The following SLC8A1 variants were observed in gnomAD, a reference collection of about 807,000 sequenced individuals.
SLC8A1 encodes the protein sodium/calcium exchanger 1.
In SLC8A1, 18 loss-of-function variants were observed where a neutral mutation model predicts 68.3. That is an observed-to-expected ratio of 0.26 (90% CI 0.18 to 0.39). The LOEUF is 0.39. Ranked by LOEUF, SLC8A1 falls within the 10% of genes least tolerant of loss-of-function variation. The probability of loss-of-function intolerance (pLI) is 1.00; values close to 1 mark genes in which losing one functional copy is unlikely to be tolerated. For synonymous variants in SLC8A1, 475 were observed against 415.5 expected (o/e 1.14, Z -1.74); for missense variants, 985 against 1,156.7 (o/e 0.85, Z 2.15).
chr2:40,308,023 GAAATA>G (rs748900674), intron 2 of SLC8A1, among the ~76,000 whole-genome samples: 17 of 152,074 alleles, frequency 1.1e-4, no homozygotes, highest in Non-Finnish European at 1.9e-4. Context: ...GAAATGGAAT[GAAATA>G]AAATAATATA....
At chr2:40,438,649 T>A (rs1278426866) in intron 1 of SLC8A1, among the ~76,000 whole-genome samples, 2 of 152,168 alleles carry the variant, frequency 1.3e-5, no homozygotes, top group Non-Finnish European at 2.9e-5. Context: ...CTAGAGAATG[T>A]GACAGCACAT....
At chr2:40,240,598 C>CT (rs557911394) in intron 2 of SLC8A1, among the ~76,000 whole-genome samples, 2 of 152,186 alleles carry the variant, frequency 1.3e-5, no homozygotes, top group Non-Finnish European at 2.9e-5. Context: ...TTTATGAACA[C>CT]TTTTTTGTAT....
chr2:40,385,258 C>T (rs1371572249), intron 2 of SLC8A1, among the ~76,000 whole-genome samples: 1 of 151,982 alleles, frequency 6.6e-6, no homozygotes, highest in Non-Finnish European at 1.5e-5. Flanking sequence ...CTCCTTTTTT[C>T]TAATCAAGTT....
intron 2 of SLC8A1, among the ~76,000 whole-genome samples, chr2:40,410,006 A>G (rs1040020923): frequency 1.3e-5 from 2 of 152,012 alleles, no homozygotes; most frequent in Admixed American, 1.3e-4. Flanking sequence ...GTGAGAAGGG[A>G]AAAAAAGGGG....
At chr2:40,477,284 G>A (rs918544346) in intron 1 of SLC8A1, among the ~76,000 whole-genome samples, 1 of 152,156 alleles carries the variant, frequency 6.6e-6, no homozygotes, top group Non-Finnish European at 1.5e-5. Context: ...AAAACCTTGT[G>A]TTGTAGTCAT....
chr2:40,175,836 C>A (rs939096908), intron 3 of SLC8A1: 1 of 262,502 alleles, frequency 3.8e-6, no homozygotes, highest in African/African-American at 2.3e-5. Context: ...CAAGGTAAAG[C>A]ACTATCTTGG....
chr2:40,434,267 T>C (rs368733330), intron 1 of SLC8A1, among the ~76,000 whole-genome samples: 2 of 152,332 alleles, frequency 1.3e-5, no homozygotes, highest in African/African-American at 4.8e-5. Context: ...TATTATAATT[T>C]GTGAACAGTG....
At chr2:40,485,510 G>T (rs188160893) in intron 1 of SLC8A1, among the ~76,000 whole-genome samples, 1 of 152,092 alleles carries the variant, frequency 6.6e-6, no homozygotes, top group African/African-American at 2.4e-5. Context: ...ACTTTTAAAC[G>T]TCTGGGGATG....
intron 1 of SLC8A1, among the ~76,000 whole-genome samples, chr2:40,430,758 G>A (rs891618338): frequency 2.6e-5 from 4 of 152,040 alleles, no homozygotes; most frequent in East Asian, 1.9e-4. Flanking sequence ...TTCCAAAAAC[G>A]GTTTCAATGC....
rs200841814 is a variant in SLC8A1, at chr2:40,488,225, G to A, written c.-25+24124C>T. On this transcript the variant is annotated intron_variant, in intron 1 of 7. Coordinates refer to the SLC8A1 transcript ENST00000402441. ...ACAAGGGGGACACCTTCTGTAGACA[G>A]AAAAAAAAAAAAAAGACTGAAACAA... 1.0e-2 allele frequency among the ~76,000 whole-genome samples: 1,316 copies of A among 132,234 alleles called. 18 individuals are homozygous for A. Among genetic ancestry groups the A allele is most frequent in the African/African-American group, 0.032 (1,172 of 36,874 alleles). 86.8% of individuals were successfully genotyped at this position (132,234 alleles called of 152,430 possible). A position where few individuals can be genotyped will look rare whatever the true frequency, so the allele number is the denominator to read the frequency against.
intron 2 of SLC8A1, among the ~76,000 whole-genome samples, chr2:40,323,212 T>G (rs1164683823): frequency 6.6e-6 from 1 of 152,174 alleles, no homozygotes; most frequent in Non-Finnish European, 1.5e-5. Flanking sequence ...TTTTCTTAAA[T>G]GGCTGTGAAG....
intron 2 of SLC8A1, among the ~76,000 whole-genome samples, chr2:40,408,320 G>C (rs1691023928): frequency 6.6e-6 from 1 of 152,102 alleles, no homozygotes; most frequent in Admixed American, 6.6e-5. Context: ...AATCCTCCCA[G>C]GCTTAACTTA....
At chr2:40,240,343 G>A (rs904158731) in intron 2 of SLC8A1, among the ~76,000 whole-genome samples, 2 of 152,096 alleles carry the variant, frequency 1.3e-5, no homozygotes, top group Admixed American at 1.3e-4. Context: ...AGTGATGAGG[G>A]GTAGAAAATA....
At chr2:40,488,912 A>G (rs1430463837) in intron 1 of SLC8A1, among the ~76,000 whole-genome samples, 1 of 152,180 alleles carries the variant, frequency 6.6e-6, no homozygotes, top group Non-Finnish European at 1.5e-5. Flanking sequence ...ACACTGCTAC[A>G]TGAAACTACA....
intron 1 of SLC8A1, among the ~76,000 whole-genome samples, chr2:40,503,953 A>C (rs1457278024): frequency 1.3e-5 from 2 of 152,004 alleles, no homozygotes; most frequent in Non-Finnish European, 2.9e-5. Context: ...TAGAAAAAAT[A>C]GTCCTAAAAT....
intron 2 of SLC8A1, among the ~76,000 whole-genome samples, chr2:40,378,928 T>C (rs1426933510): frequency 1.3e-5 from 2 of 152,120 alleles, no homozygotes; most frequent in Non-Finnish European, 2.9e-5. Context: ...CCTGCCTAAG[T>C]TGTATTCATG....
At chr2:40,401,051 T>A (rs1688581232) in intron 2 of SLC8A1, among the ~76,000 whole-genome samples, 1 of 152,176 alleles carries the variant, frequency 6.6e-6, no homozygotes, top group African/African-American at 2.4e-5. Context: ...ACAGACACCA[T>A]CATAGGTCAC....
chr2:40,167,628 T>G (rs1253373272), intron 4 of SLC8A1, among the ~76,000 whole-genome samples: 2 of 152,182 alleles, frequency 1.3e-5, no homozygotes, highest in East Asian at 3.9e-4. Flanking sequence ...GGGACTTAGA[T>G]TTCTTAATTC....
rs549723052 is a variant in SLC8A1, at chr2:40,393,250, C to T, written c.1808+35223G>A. 6.6e-5 allele frequency among the ~76,000 whole-genome samples: 10 copies of T among 152,146 alleles called. 1 individual carries two copies. In the South Asian group the frequency reaches 1.2e-3, roughly 19 times the overall value. ...ACAATGATTAGAACACACTTCAAAC[C>T]TCACAGCTCTGTATTACTTAGGAAA... On this transcript the variant is annotated intron_variant, in intron 2 of 7. Coordinates refer to ENST00000406785, the Ensembl canonical transcript of SLC8A1.
Sources: gnomAD v4.1 joint callset for allele counts (sites outside exome capture counted in the v4.1 genomes callset) on GRCh38, gnomAD v4.1.1 for gene constraint, MANE v1.5 for transcripts, NCBI Gene and HGNC (gene_info 2026-07-23, HGNC 2026-07-21) for gene names.